SETD2: variants seen among roughly 807,000 people sequenced by gnomAD.
The protein encoded by SETD2 is SET domain containing 2, histone lysine methyltransferase.
A neutral mutation model predicts 242.1 loss-of-function variants in SETD2; 31 were observed. The observed-to-expected ratio is 0.13, with a 90% CI of 0.10 to 0.17. SETD2 has a LOEUF of 0.17. Among genes scored for constraint, SETD2 ranks in the 10% least tolerant of loss-of-function variants. SETD2 has a pLI of 1.00. For missense variants in SETD2, 2,481 were observed against 3,046.3 expected (o/e 0.81, Z 4.37); for synonymous variants, 1,006 against 1,066.5 (o/e 0.94, Z 1.11).
At position 47,122,262 on chromosome 3, in the gene SETD2, C is replaced by T. The variant is rs2106673653; in HGVS notation, c.2374G>A (p.Asp792Asn). 1 of 1,614,112 alleles carries T rather than the reference C, an allele frequency of 6.2e-7. No homozygotes were observed. Among genetic ancestry groups the T allele is most frequent in the Non-Finnish European group, 8.5e-7 (1 of 1,179,986 alleles). ...CTATCGTTCAAAGTACAGTATATGT[C>T]TGAATCTTTGGTTTTGCAGCAAGAA... ...RVSCCKTKDS[D>N]IYCTLNDSNP... The change falls in exon 3 of 21, where the codon GAC (aspartate) becomes AAC (asparagine). Residue 792 changes from aspartate to asparagine, a missense_variant. This residue lies in a region of SETD2 where 1,300 missense variants were observed against 1,259.2 expected (regional missense o/e 1.03). Coordinates refer to ENST00000409792, the MANE Select transcript of SETD2 (RefSeq NM_014159.7).
At chr3:47,105,921 A>T in intron 6 of SETD2, 76 bp downstream of exon 6, 2 of 1,479,200 alleles carry the variant, frequency 1.4e-6, no homozygotes, top group Non-Finnish European at 1.8e-6. Flanking sequence ...AAAAAAAAAA[A>T]AAAATCAAAT....
At chr3:47,095,682 T>G (rs1269617225) in intron 9 of SETD2, among the ~76,000 whole-genome samples, 1 of 151,626 alleles carries the variant, frequency 6.6e-6, no homozygotes, top group Non-Finnish European at 1.5e-5. Flanking sequence ...ATACTAACTT[T>G]GAAATTAATA....
At chr3:47,056,187 C>T (rs1164074871) in intron 15 of SETD2, among the ~76,000 whole-genome samples, 1 of 150,772 alleles carries the variant, frequency 6.6e-6, no homozygotes, top group African/African-American at 2.4e-5. Flanking sequence ...TACAGTGACG[C>T]TATCTCAGCT....
chr3:47,046,249 A>C (rs1039250945), intron 16 of SETD2, among the ~76,000 whole-genome samples: 1 of 151,238 alleles, frequency 6.6e-6, no homozygotes, highest in Non-Finnish European at 1.5e-5. Context: ...AGGCAGGAGA[A>C]TCGCTTTAAA....
intron 17 of SETD2, chr3:47,041,460 G>T: frequency 3.2e-6 from 1 of 308,502 alleles, no homozygotes; most frequent in Non-Finnish European, 6.5e-6. Flanking sequence ...AGATCAGTCT[G>T]GGCAACAAAG....
chr3:47,057,974 A>G (rs1015663837), intron 14 of SETD2, among the ~76,000 whole-genome samples: 1 of 152,174 alleles, frequency 6.6e-6, no homozygotes, highest in Non-Finnish European at 1.5e-5. Context: ...TCCAACTGGG[A>G]AAAGAAAAAG....
chr3:47,160,543 C>T (rs1393804359), intron 1 of SETD2, among the ~76,000 whole-genome samples: 2 of 151,792 alleles, frequency 1.3e-5, no homozygotes, highest in Non-Finnish European at 2.9e-5. Context: ...CCACTGACCT[C>T]AGGTGATCCA....
rs2106669788 is a variant in SETD2, at chr3:47,122,123, C to T, written c.2513G>A (p.Ser838Asn). ...TTTTGAGTGATCTGTCAAATTTCTA[C>T]TATCACATATAACTGGTTTTGATTC... ...HLESKPVICD[S>N]RNLTDHSKFA... The change falls in exon 3 of 21, where the codon AGT becomes AAT. Residue 838 changes from serine (S) to asparagine (N), a missense_variant. Coordinates refer to ENST00000409792, the MANE Select transcript of SETD2 (RefSeq NM_014159.7). 1 of 1,613,902 alleles carries T rather than the reference C, an allele frequency of 6.2e-7. No individual in the cohort carries two copies. The highest frequency in any genetic ancestry group is 1.7e-5 in the Admixed American group (1 of 60,022).
chr3:47,093,282 T>C (rs1224979970), intron 9 of SETD2, among the ~76,000 whole-genome samples: 1 of 146,928 alleles, frequency 6.8e-6, no homozygotes, highest in African/African-American at 2.7e-5. Context: ...AATTTATCCA[T>C]CCTTTTTTTT....
chr3:47,068,492 T>C (rs1423001272), intron 12 of SETD2, among the ~76,000 whole-genome samples: 1 of 123,954 alleles, frequency 8.1e-6, no homozygotes, highest in African/African-American at 3.9e-5. Flanking sequence ...AAATACACTA[T>C]CTTTTTTTTT....
chr3:47,097,895 A>G, intron 9 of SETD2, 60 bp downstream of exon 9: 3 of 1,579,550 alleles, frequency 1.9e-6, no homozygotes, highest in Non-Finnish European at 2.6e-6. Context: ...TTCAATCAGA[A>G]AAGCCACCTC....
chr3:47,163,700 G>T, intron 1 of SETD2, 154 bp downstream of exon 1: 1 of 603,184 alleles, frequency 1.7e-6, no homozygotes. Flanking sequence ...GCTCGAAGTG[G>T]CGGCGCGGGC....
chr3:47,053,757 G>C (rs1354525396), intron 15 of SETD2, among the ~76,000 whole-genome samples: 1 of 152,166 alleles, frequency 6.6e-6, no homozygotes, highest in African/African-American at 2.4e-5. Context: ...CTAGAGGTCA[G>C]ATTTTTAGGG....
intron 8 of SETD2, 199 bp from the exon 9 acceptor site, chr3:47,098,280 A>G (rs1005965193): frequency 5.0e-6 from 2 of 401,152 alleles, no homozygotes; most frequent in African/African-American, 2.1e-5. Flanking sequence ...TATTTTTCCA[A>G]TCATCTTTCT....
chr3:47,143,872 G>A (rs1306155136), intron 1 of SETD2, among the ~76,000 whole-genome samples: 3 of 151,912 alleles, frequency 2.0e-5, no homozygotes, highest in South Asian at 2.1e-4. Context: ...CACCACACCC[G>A]GCTAATTTTT....
At chr3:47,061,517 G>A (rs765720805) in intron 14 of SETD2, among the ~76,000 whole-genome samples, 1 of 151,952 alleles carries the variant, frequency 6.6e-6, no homozygotes, top group Non-Finnish European at 1.5e-5. Context: ...GAAAGAAATG[G>A]ACAATAAATA....
At position 47,088,291 on chromosome 3, in the gene SETD2, C is replaced by CAACA; in HGVS notation, c.5143-45_5143-44insTGTT. On this transcript the variant is annotated intron_variant, in intron 9 of 20. Transcript: ENST00000409792. The stretch of plus-strand genomic sequence containing the variant: ...ATACCTTTTTATAAAACAACAACAA[C>CAACA]AAAAAAAAAAACCAAAAACCCAAAA... The CAACA allele has an allele frequency of 5.2e-6, 6 of 1,160,950 alleles. No homozygotes were observed. In the African/African-American group the frequency reaches 6.5e-5, roughly 13 times the overall value. The allele number at this position is 1,160,950 out of a possible 1,614,324, so 71.9% of individuals were successfully genotyped here. A position where few individuals can be genotyped will look rare whatever the true frequency, so the allele number is the denominator to read the frequency against.
Position 47,062,346 on chromosome 3 carries a change from G to T in SETD2, c.6110C>A (p.Thr2037Lys), listed in dbSNP as rs914740277. Residue 2037 changes from threonine (T) to lysine (K), a missense_variant and splice_region_variant, in exon 14 of 21, where the codon ACA becomes AAA. By Grantham distance (78) the Thr-to-Lys change is moderately conservative. Around this residue, in one of 17 missense-constraint regions of SETD2, gnomAD observed 80 missense variants for 102.6 expected, o/e 0.78. Transcript: ENST00000409792. ...KKSQTEKENT[T>K]TERGRDAVGF... Reference sequence around the variant, plus strand: ...AACAGCATCCCTTCCTCGTTCAGTTGCTAAGGGAAAAGGGTGGTTTGTTTG... The same window carrying T: ...AACAGCATCCCTTCCTCGTTCAGTTTCTAAGGGAAAAGGGTGGTTTGTTTG... 6.3e-7 allele frequency: 1 copy of T among 1,578,322 alleles called. No individual in the cohort carries two copies. The highest frequency in any genetic ancestry group is 8.6e-7 in the Non-Finnish European group (1 of 1,167,330).
intron 1 of SETD2, among the ~76,000 whole-genome samples, chr3:47,161,625 T>C (rs1474128540): frequency 6.6e-6 from 1 of 152,194 alleles, no homozygotes; most frequent in Admixed American, 6.5e-5. Context: ...TACAATTCTT[T>C]ACTCCATACA....
Sources: gnomAD v4.1 joint callset for allele counts (sites outside exome capture counted in the v4.1 genomes callset) on GRCh38, gnomAD v4.1.1 for gene constraint, gnomAD v4.1.1 regional missense constraint, MANE v1.5 for transcripts, NCBI Gene and HGNC (gene_info 2026-07-23, HGNC 2026-07-21) for gene names.